The following CNOT6L variants were observed in gnomAD, a reference collection of about 807,000 sequenced individuals.
CNOT6L encodes the protein CCR4-NOT transcription complex subunit 6 like.
In CNOT6L, 7 loss-of-function variants were observed where a neutral mutation model predicts 64.0. The observed-to-expected ratio is 0.11, with a 90% CI of 0.06 to 0.21. The LOEUF (loss-of-function observed/expected upper bound fraction) is 0.21. Among genes scored for constraint, CNOT6L ranks in the 10% least tolerant of loss-of-function variants. The probability of loss-of-function intolerance (pLI) is 1.00; values close to 1 mark genes in which losing one functional copy is unlikely to be tolerated. For missense variants in CNOT6L, 245 were observed against 669.0 expected (o/e 0.37, Z 6.99); for synonymous variants, 193 against 243.4 (o/e 0.79, Z 1.93).
At chr4:77,748,183 C>T in intron 6 of CNOT6L, 133 bp downstream of exon 6, 2 of 691,014 alleles carry the variant, frequency 2.9e-6, no homozygotes, top group South Asian at 3.3e-5. Context: ...TTTTAAAAGT[C>T]TATCCATCAG....
intron 1 of CNOT6L, among the ~76,000 whole-genome samples, chr4:77,804,871 T>G (rs1225610850): frequency 6.6e-6 from 1 of 152,244 alleles, no homozygotes; most frequent in Non-Finnish European, 1.5e-5. Flanking sequence ...GTATACACAG[T>G]ATGAACCTAT....
intron 4 of CNOT6L, among the ~76,000 whole-genome samples, chr4:77,760,860 CT>C (rs754195745): frequency 5.4e-3 from 161 of 29,880 alleles, no homozygotes; most frequent in African/African-American, 7.0e-3. Context: ...CCATGCCTGG[CT>C]TTTTTTTTTT....
At chr4:77,795,105 T>C (rs1730681565) in intron 1 of CNOT6L, among the ~76,000 whole-genome samples, 1 of 150,526 alleles carries the variant, frequency 6.6e-6, no homozygotes, top group African/African-American at 2.4e-5. Flanking sequence ...CTGCAACCTC[T>C]GCCTCCCAGG....
At chr4:77,758,263 T>C (rs569438586) in intron 4 of CNOT6L, among the ~76,000 whole-genome samples, 6 of 152,270 alleles carry the variant, frequency 3.9e-5, no homozygotes, top group African/African-American at 1.4e-4. Flanking sequence ...TTTTACTGAA[T>C]GTAATTATAA....
At chr4:77,727,562 CAAAAAAAAAAAAAAAAAAA>C (rs55848621) in intron 10 of CNOT6L, among the ~76,000 whole-genome samples, 4 of 84,590 alleles carry the variant, frequency 4.7e-5, no homozygotes, top group East Asian at 3.4e-4. Context: ...AACTCTGTCT[CAAAAAAAAAAAAAAAAAAA>C]AAAAAAAAAA....
At chr4:77,757,122 C>A (rs1315264179) in intron 4 of CNOT6L, among the ~76,000 whole-genome samples, 171 bp from the exon 5 acceptor site, 1 of 151,966 alleles carries the variant, frequency 6.6e-6, no homozygotes, top group Non-Finnish European at 1.5e-5. Context: ...TAAATATTTT[C>A]TTTAAGAACT....
rs1723030503 is a variant in CNOT6L, at chr4:77,737,042, T to C, written c.872+5099A>G. Among the ~76,000 whole-genome samples, 2 of 152,206 alleles carry C rather than the reference T, an allele frequency of 1.3e-5. 1 individual carries two copies. Among genetic ancestry groups the C allele is most frequent in the African/African-American group, 4.8e-5 (2 of 41,454 alleles). On this transcript the variant is annotated intron_variant, in intron 8 of 11. Transcript: ENST00000504123. ...AATAACTTTGTGGGCTCTGATGTAA[T>C]TAATTAATGCTAGAGAGAGGACAGT...
intron 7 of CNOT6L, 39 bp from the exon 8 acceptor site, chr4:77,742,334 G>A (rs1401813742): frequency 1.2e-5 from 19 of 1,546,702 alleles, no homozygotes; most frequent in Non-Finnish European, 1.5e-5. Context: ...ATGACAGAGG[G>A]AAAATGCTGA....
intron 1 of CNOT6L, among the ~76,000 whole-genome samples, chr4:77,793,570 C>CG (rs1730428835): frequency 6.6e-6 from 1 of 152,084 alleles, no homozygotes; most frequent in Non-Finnish European, 1.5e-5. Context: ...ATGCTGCCCC[C>CG]GTCTCTTATG....
chr4:77,801,855 T>C (rs1731624145), intron 1 of CNOT6L, among the ~76,000 whole-genome samples: 3 of 152,154 alleles, frequency 2.0e-5, no homozygotes, highest in Admixed American at 2.0e-4. Flanking sequence ...CATCTGTGAA[T>C]AGCCACTGTA....
At chr4:77,819,959 G>A (rs1470213568), upstream of CNOT6L, among the ~76,000 whole-genome samples, 7 of 151,932 alleles carry the variant, frequency 4.6e-5, no homozygotes. Context: ...CCCAGCCGAA[G>A]GAAGCTGCGC....
At chr4:77,788,760 G>A (rs528735463) in intron 1 of CNOT6L, among the ~76,000 whole-genome samples, 4 of 151,518 alleles carry the variant, frequency 2.6e-5, no homozygotes, top group African/African-American at 9.7e-5. Flanking sequence ...ATAATAATAT[G>A]CAATTGATGA....
chr4:77,723,631 T>G (rs956288900), intron 11 of CNOT6L, among the ~76,000 whole-genome samples: 1 of 152,184 alleles, frequency 6.6e-6, no homozygotes, highest in African/African-American at 2.4e-5. Context: ...TATTCTATTG[T>G]CTCATCCCAT....
intron 2 of CNOT6L, among the ~76,000 whole-genome samples, chr4:77,776,048 C>T (rs184588784): frequency 1.2e-3 from 176 of 152,254 alleles, no homozygotes; most frequent in Admixed American, 1.8e-3. Flanking sequence ...AAACTAAACT[C>T]CCCATATCCT....
intron 1 of CNOT6L, among the ~76,000 whole-genome samples, chr4:77,812,904 C>A (rs1169080456): frequency 6.6e-6 from 1 of 151,990 alleles, no homozygotes; most frequent in African/African-American, 2.4e-5. Flanking sequence ...TTCATTTTTT[C>A]TTCTCAAAAG....
rs1720944829 is a variant in CNOT6L at position 77,718,213 on chromosome 4, A to G, written c.*2218T>C. On this transcript the variant is annotated 3_prime_UTR_variant, in exon 12 of 12. Transcript: ENST00000504123. Reference sequence around the variant, plus strand: ...GAAATATTGCTCACATTGCTAATTAACATGCGTATATGAAAGGAGGAAAAT... The same window carrying G: ...GAAATATTGCTCACATTGCTAATTAGCATGCGTATATGAAAGGAGGAAAAT... The G allele has an allele frequency of 6.6e-6, 1 of 152,576 alleles. No homozygotes were observed. Among genetic ancestry groups the G allele is most frequent in the Non-Finnish European group, 1.5e-5 (1 of 68,024 alleles). The allele number at this position is 152,576 out of a possible 1,614,324, so 9.5% of individuals were successfully genotyped here.
At chr4:77,744,154 A>C (rs921868402) in intron 7 of CNOT6L, among the ~76,000 whole-genome samples, 1 of 152,198 alleles carries the variant, frequency 6.6e-6, no homozygotes, top group African/African-American at 2.4e-5. Flanking sequence ...TCATTAGCTA[A>C]ATTTTGAAGC....
chr4:77,779,579 T>G (rs1447750689), intron 1 of CNOT6L, among the ~76,000 whole-genome samples: 5 of 152,040 alleles, frequency 3.3e-5, no homozygotes, highest in Non-Finnish European at 7.4e-5. Flanking sequence ...TGTTTACCAA[T>G]ATCTATAATA....
intron 4 of CNOT6L, among the ~76,000 whole-genome samples, chr4:77,762,625 T>A (rs886907951): frequency 6.6e-6 from 1 of 152,196 alleles, no homozygotes; most frequent in Non-Finnish European, 1.5e-5. Context: ...CCTTCATTTC[T>A]ATTGTTAAGT....
Sources: allele counts gnomAD v4.1 joint callset (sites outside exome capture counted in the v4.1 genomes callset), GRCh38; gene constraint gnomAD v4.1.1; transcripts MANE v1.5; gene names NCBI Gene and HGNC (gene_info 2026-07-23, HGNC 2026-07-21).